KCNH1: variants seen among roughly 807,000 people sequenced by gnomAD.
KCNH1 encodes voltage-gated delayed rectifier potassium channel KCNH1.
KCNH1 carries 27 observed loss-of-function variants against 69.2 expected under a neutral mutation model. That is an observed-to-expected ratio of 0.39 (90% confidence interval 0.29 to 0.54). The LOEUF is 0.54. KCNH1 is among the 20% of genes least tolerant of loss of function. The probability of loss-of-function intolerance (pLI) is 0.68; values close to 1 mark genes in which losing one functional copy is unlikely to be tolerated. For missense variants in KCNH1, 798 were observed against 1,261.6 expected, an observed-to-expected ratio of 0.63 and a Z score of 5.57; for synonymous variants, 456 against 487.7, an observed-to-expected ratio of 0.93 and a Z score of 0.86.
At chr1:210,711,706 G>A (rs1002299554) in intron 10 of KCNH1, among the ~76,000 whole-genome samples, 2 of 152,092 alleles carry the variant, frequency 1.3e-5, no homozygotes, top group Non-Finnish European at 2.9e-5. Context: ...CCCCTCAAGC[G>A]CTATGGTCAT....
At chr1:211,001,032 A>G (rs1275829524) in intron 6 of KCNH1, among the ~76,000 whole-genome samples, 3 of 152,192 alleles carry the variant, frequency 2.0e-5, no homozygotes, top group Non-Finnish European at 4.4e-5. Flanking sequence ...TTAAAGACTT[A>G]TATGTTAGAC....
At position 210,848,723 on chromosome 1, in the gene KCNH1, G is replaced by A. The variant is rs1205975863; in HGVS notation, c.1463-44557C>T. On this transcript the variant is annotated intron_variant, in intron 7 of 10. Transcript: ENST00000271751. ...TAAATTAGGTTCTTATGAGGCCCAA[G>A]CATGAAATTTTGGCTTCATAATAAT... Among the ~76,000 whole-genome samples the A allele has an allele frequency of 3.3e-5, 5 of 152,146 alleles. 1 individual carries two copies. Among genetic ancestry groups the A allele is most frequent in the African/African-American group, 1.2e-4 (5 of 41,440 alleles).
At chr1:210,792,426 G>C (rs1190432024) in intron 9 of KCNH1, among the ~76,000 whole-genome samples, 2 of 152,144 alleles carry the variant, frequency 1.3e-5, no homozygotes, top group East Asian at 3.8e-4. Flanking sequence ...AGCCTCTGGT[G>C]CTTTCTTTCC....
At chr1:210,964,142 A>T (rs1223505676) in intron 6 of KCNH1, among the ~76,000 whole-genome samples, 2 of 152,158 alleles carry the variant, frequency 1.3e-5, no homozygotes, top group Non-Finnish European at 2.9e-5. Context: ...ATCAACACTT[A>T]AAAAGAAAAT....
chr1:211,038,695 G>A (rs1047395419), intron 5 of KCNH1, among the ~76,000 whole-genome samples: 7 of 152,118 alleles, frequency 4.6e-5, no homozygotes, highest in Admixed American at 2.0e-4. Flanking sequence ...TTTAGCAAAG[G>A]GACTGCTGGT....
At chr1:210,985,564 T>C (rs546981438) in intron 6 of KCNH1, among the ~76,000 whole-genome samples, 7 of 152,284 alleles carry the variant, frequency 4.6e-5, no homozygotes, top group African/African-American at 1.7e-4. Context: ...CAGGAGTAGG[T>C]TGTTCAGTTT....
At chr1:210,784,758 G>C (rs1417365474) in intron 9 of KCNH1, among the ~76,000 whole-genome samples, 1 of 152,086 alleles carries the variant, frequency 6.6e-6, no homozygotes, top group African/African-American at 2.4e-5. Flanking sequence ...ATGCTCTTCT[G>C]CATACCATCT....
At chr1:210,733,626 C>T (rs995450265) in intron 10 of KCNH1, among the ~76,000 whole-genome samples, 1 of 152,214 alleles carries the variant, frequency 6.6e-6, no homozygotes, top group African/African-American at 2.4e-5. Flanking sequence ...TACCAGGACA[C>T]TCATGAGATT....
intron 6 of KCNH1, among the ~76,000 whole-genome samples, chr1:210,949,846 G>A (rs565932886): frequency 4.5e-4 from 69 of 152,200 alleles, no homozygotes; most frequent in African/African-American, 1.6e-3. Context: ...TCCAGGCCTT[G>A]GCAACAACAT....
At chr1:210,991,992 G>A (rs1423196297) in intron 6 of KCNH1, among the ~76,000 whole-genome samples, 3 of 152,106 alleles carry the variant, frequency 2.0e-5, no homozygotes, top group African/African-American at 7.2e-5. Context: ...ACATAAAGAG[G>A]AGTTTCCCAA....
At chr1:210,975,462 G>T (rs1045915549) in intron 6 of KCNH1, among the ~76,000 whole-genome samples, 1 of 152,120 alleles carries the variant, frequency 6.6e-6, no homozygotes, top group Non-Finnish European at 1.5e-5. Context: ...ACAACCATCT[G>T]ATCTTTGACA....
Position 210,803,996 on chromosome 1 carries a change from A to G in KCNH1, c.1633T>C (p.Ser545Pro), listed in dbSNP as rs2102406704. Reference protein sequence around the residue: ...RVMDYIVSTWSMSRGIDTEKV... With the variant: ...RVMDYIVSTWPMSRGIDTEKV... The stretch of plus-strand genomic sequence containing the variant: ...TCTGTGTCAATGCCTCTGGACATGG[A>G]CCAAGTGGACACAATATAATCCATT... The change falls in exon 8 of 11, where the codon TCC (serine) becomes CCC (proline). Residue 545 changes from serine (S) to proline (P), a missense_variant. Transcript: ENST00000271751. The G allele has an allele frequency of 6.2e-7, 1 of 1,614,140 alleles. No homozygotes were observed. Among genetic ancestry groups the G allele is most frequent in the South Asian group, 1.1e-5 (1 of 91,076 alleles).
At chr1:210,767,464 A>G (rs985127926) in intron 10 of KCNH1, among the ~76,000 whole-genome samples, 7 of 152,216 alleles carry the variant, frequency 4.6e-5, no homozygotes, top group African/African-American at 1.7e-4. Flanking sequence ...TGTTCGCTCC[A>G]CAAGTCAGTG....
chr1:211,048,997 C>G (rs1223515092), intron 5 of KCNH1, among the ~76,000 whole-genome samples: 1 of 151,250 alleles, frequency 6.6e-6, no homozygotes, highest in Non-Finnish European at 1.5e-5. Flanking sequence ...CTGAAATAGA[C>G]TAAGAAGAAA....
intron 7 of KCNH1, among the ~76,000 whole-genome samples, chr1:210,816,403 C>G (rs1684817094): frequency 6.6e-6 from 1 of 152,198 alleles, no homozygotes; most frequent in Non-Finnish European, 1.5e-5. Context: ...GCAGTCTGTG[C>G]CACCTCATTT....
Position 210,813,660 on chromosome 1 carries a change from G to A in KCNH1, c.1463-9494C>T, listed in dbSNP as rs1684755899. On this transcript the variant is annotated intron_variant, in intron 7 of 10. Coordinates refer to ENST00000271751, the MANE Select transcript of KCNH1 (RefSeq NM_172362.3). Reference sequence around the variant, plus strand: ...AGTGTTTATATTGGCATGGCAACTGGCAACTAACTTTTAAATTATTTCCTG... The same window carrying A: ...AGTGTTTATATTGGCATGGCAACTGACAACTAACTTTTAAATTATTTCCTG... 2.0e-5 allele frequency among the ~76,000 whole-genome samples: 3 copies of A among 152,176 alleles called. No individual in the cohort carries two copies. The South Asian group carries it at 6.2e-4, about 32-fold the overall frequency.
At chr1:210,866,176 A>G (rs1686104645) in intron 7 of KCNH1, among the ~76,000 whole-genome samples, 1 of 152,186 alleles carries the variant, frequency 6.6e-6, no homozygotes, top group African/African-American at 2.4e-5. Flanking sequence ...AGATGAAAAT[A>G]TAGGGGCAAA....
rs1685815557 is a variant in KCNH1, at chr1:210,855,566, C to G, written c.1463-51400G>C. ...TAGGCTGGCAACTAAACATAAAACA[C>G]AGAACAGCTAAGTGTATTGAGAATA... On this transcript the variant is annotated intron_variant, in intron 7 of 10. Transcript: ENST00000271751. Among the ~76,000 whole-genome samples, 2 of 152,182 alleles carry G rather than the reference C, an allele frequency of 1.3e-5. 1 individual carries two copies. Among genetic ancestry groups the G allele is most frequent in the Admixed American group, 1.3e-4 (2 of 15,272 alleles).
intron 5 of KCNH1, among the ~76,000 whole-genome samples, chr1:211,054,341 TATTC>T (rs1050700699): frequency 7.9e-5 from 12 of 151,952 alleles, no homozygotes; most frequent in African/African-American, 2.7e-4. Flanking sequence ...GATTCTAAAA[TATTC>T]AGTTAAGCTA....
Sources: allele counts gnomAD v4.1 joint callset (sites outside exome capture counted in the v4.1 genomes callset), GRCh38; gene constraint gnomAD v4.1.1; transcripts MANE v1.5; gene names NCBI Gene and HGNC (gene_info 2026-07-23, HGNC 2026-07-21).